EPHA6: variants seen among roughly 807,000 people sequenced by gnomAD.
The protein encoded by EPHA6 is ephrin type-A receptor 6.
Under a neutral mutation model 112.0 loss-of-function variants are expected in EPHA6, and 50 were observed. The observed-to-expected ratio is 0.45, with a 90% CI of 0.36 to 0.56. The LOEUF is 0.56. Among genes scored for constraint, EPHA6 ranks in the 20% least tolerant of loss-of-function variants. EPHA6 has a pLI of 0.00. For missense variants in EPHA6, 1,280 were observed against 1,417.4 expected (o/e 0.90, Z 1.56); for synonymous variants, 529 against 490.7 (o/e 1.08, Z -1.03).
At chr3:97,471,665 T>G (rs1234888929) in intron 7 of EPHA6, among the ~76,000 whole-genome samples, 1 of 151,672 alleles carries the variant, frequency 6.6e-6, no homozygotes, top group Non-Finnish European at 1.5e-5. Context: ...GTACATTGTA[T>G]AGCTACACTG....
intron 3 of EPHA6, among the ~76,000 whole-genome samples, chr3:97,121,301 G>T (rs965424959): frequency 6.6e-6 from 1 of 152,068 alleles, no homozygotes; most frequent in Non-Finnish European, 1.5e-5. Context: ...CTGGGCGGTT[G>T]TCTAAAGTGC....
intron 5 of EPHA6, among the ~76,000 whole-genome samples, chr3:97,388,752 C>T (rs1282442273): frequency 6.6e-6 from 1 of 152,060 alleles, no homozygotes; most frequent in Non-Finnish European, 1.5e-5. Context: ...GGAAAAAGAT[C>T]CTCATCACAG....
intron 14 of EPHA6, among the ~76,000 whole-genome samples, chr3:97,677,369 C>T (rs1322522963): frequency 1.3e-5 from 2 of 151,866 alleles, no homozygotes; most frequent in East Asian, 1.9e-4. Flanking sequence ...TCAATGGATT[C>T]CTGGATTTGG....
chr3:97,529,694 T>G, intron 10 of EPHA6, among the ~76,000 whole-genome samples: 1 of 152,072 alleles, frequency 6.6e-6, no homozygotes, highest in East Asian at 1.9e-4. Flanking sequence ...AGATAACAGT[T>G]TTAATACATT....
At chr3:97,195,622 A>G (rs2077419674) in intron 3 of EPHA6, among the ~76,000 whole-genome samples, 1 of 151,844 alleles carries the variant, frequency 6.6e-6, no homozygotes, top group South Asian at 2.1e-4. Flanking sequence ...TGTTAACATT[A>G]TTTTCTTTCA....
intron 13 of EPHA6, among the ~76,000 whole-genome samples, chr3:97,636,775 A>C (rs1172785998): frequency 1.3e-5 from 2 of 152,154 alleles, no homozygotes; most frequent in East Asian, 3.9e-4. Flanking sequence ...AAAATTTATA[A>C]GTTTCTCTTA....
chr3:97,120,763 C>A (rs1181085184), intron 3 of EPHA6, among the ~76,000 whole-genome samples: 1 of 151,792 alleles, frequency 6.6e-6, no homozygotes, highest in Non-Finnish European at 1.5e-5. Context: ...TATGTGAATA[C>A]AACGATGAGT....
At chr3:97,417,797 T>C (rs1351620684) in intron 6 of EPHA6, among the ~76,000 whole-genome samples, 2 of 152,144 alleles carry the variant, frequency 1.3e-5, no homozygotes, top group African/African-American at 4.8e-5. Context: ...GAAGGAAAAC[T>C]GAAGTAGTAC....
At chr3:96,858,442 C>T (rs2035821914) in intron 1 of EPHA6, among the ~76,000 whole-genome samples, 1 of 152,036 alleles carries the variant, frequency 6.6e-6, no homozygotes, top group Non-Finnish European at 1.5e-5. Flanking sequence ...TGGGAAGTTT[C>T]TTGGGACATG....
intron 5 of EPHA6, among the ~76,000 whole-genome samples, chr3:97,290,515 C>T (rs2080640001): frequency 6.6e-6 from 1 of 152,148 alleles, no homozygotes; most frequent in African/African-American, 2.4e-5. Flanking sequence ...GGTGATCTAA[C>T]TCTGTTAGTA....
At chr3:96,883,709 AG>A (rs1469525993) in intron 2 of EPHA6, among the ~76,000 whole-genome samples, 1 of 152,056 alleles carries the variant, frequency 6.6e-6, no homozygotes, top group Non-Finnish European at 1.5e-5. Context: ...TCTGTCACCA[AG>A]GCTGGAGTAA....
intron 12 of EPHA6, among the ~76,000 whole-genome samples, chr3:97,607,692 C>T (rs2093689854): frequency 6.6e-6 from 1 of 151,112 alleles, no homozygotes; most frequent in South Asian, 2.1e-4. Flanking sequence ...GGTTTGTCCA[C>T]TGACTTTAGT....
chr3:97,756,427 T>A lies in EPHA6; in HGVS notation c.*7726T>A, dbSNP rs1409230545. On this transcript the variant is annotated 3_prime_UTR_variant, in exon 18 of 18. Coordinates refer to ENST00000389672, the MANE Select transcript of EPHA6 (RefSeq NM_001080448.3). ...TTACTGCAATAACCTCAAAGTATCT[T>A]TAAGACAATGCTGAATATCATACAT... Among the ~76,000 whole-genome samples, 2 of 151,962 alleles carry A rather than the reference T, an allele frequency of 1.3e-5. No homozygotes were observed. The highest frequency in any genetic ancestry group is 3.8e-4 in the East Asian group (2 of 5,206).
At chr3:97,132,376 G>C (rs2075653365) in intron 3 of EPHA6, among the ~76,000 whole-genome samples, 2 of 151,970 alleles carry the variant, frequency 1.3e-5, no homozygotes, top group African/African-American at 4.8e-5. Context: ...TGAATTATTT[G>C]ATATGGGTGG....
At chr3:97,068,587 TAAG>T (rs2046253428) in intron 3 of EPHA6, among the ~76,000 whole-genome samples, 1 of 151,706 alleles carries the variant, frequency 6.6e-6, no homozygotes, top group South Asian at 2.1e-4. Flanking sequence ...TGACTGAAAA[TAAG>T]AGAGTTTTGA....
At chr3:97,175,951 G>T (rs548367667) in intron 3 of EPHA6, among the ~76,000 whole-genome samples, 1 of 151,794 alleles carries the variant, frequency 6.6e-6, no homozygotes, top group Non-Finnish European at 1.5e-5. Flanking sequence ...TGAATAATAG[G>T]GGTGACAGTA....
chr3:97,180,213 G>A (rs554580646), intron 3 of EPHA6, among the ~76,000 whole-genome samples: 2 of 152,134 alleles, frequency 1.3e-5, no homozygotes, highest in East Asian at 1.9e-4. Context: ...TACCACCAAT[G>A]TTCCCTTAAG....
chr3:97,003,517 TG>T (rs1475807733), intron 3 of EPHA6, among the ~76,000 whole-genome samples: 9 of 152,160 alleles, frequency 5.9e-5, no homozygotes, highest in Non-Finnish European at 1.5e-5. Flanking sequence ...CAGAGTTTCT[TG>T]TTGCTTTAAA....
At chr3:97,345,845 G>A (rs1463569915) in intron 5 of EPHA6, among the ~76,000 whole-genome samples, 1 of 152,004 alleles carries the variant, frequency 6.6e-6, no homozygotes. Context: ...GAAATCTTGA[G>A]TAACTGCAAG....
Sources: allele counts gnomAD v4.1 joint callset (sites outside exome capture counted in the v4.1 genomes callset), GRCh38; gene constraint gnomAD v4.1.1; transcripts MANE v1.5; gene names NCBI Gene and HGNC (gene_info 2026-07-23, HGNC 2026-07-21).